LRRC69: variants seen among roughly 807,000 people sequenced by gnomAD.
LRRC69 encodes the protein leucine-rich repeat-containing protein 69.
In LRRC69, 42 loss-of-function variants were observed where a neutral mutation model predicts 37.8. That is an observed-to-expected ratio of 1.11 (90% CI 0.87 to 1.44). The LOEUF (loss-of-function observed/expected upper bound fraction) is 1.44. LRRC69 is among the 40% of genes most tolerant of loss of function. The pLI is 0.00. For missense variants in LRRC69, 357 were observed against 401.9 expected, an observed-to-expected ratio of 0.89 and a Z score of 0.96; for synonymous variants, 141 against 143.1, an observed-to-expected ratio of 0.99 and a Z score of 0.11.
intron 5 of LRRC69, among the ~76,000 whole-genome samples, chr8:91,152,323 G>T (rs977066930): frequency 1.3e-5 from 2 of 151,454 alleles, no homozygotes; most frequent in African/African-American, 4.8e-5. Context: ...TAAGGAAGGG[G>T]TGCAGTTTCA....
intron 3 of LRRC69, chr8:91,130,498 C>T (rs1813789068): frequency 6.6e-6 from 1 of 152,066 alleles, no homozygotes; most frequent in Admixed American, 6.6e-5. Flanking sequence ...TGGTCTCGAA[C>T]TCCTGACCTC....
intron 7 of LRRC69, among the ~76,000 whole-genome samples, chr8:91,216,013 G>A (rs1256454317): frequency 6.6e-6 from 1 of 152,124 alleles, no homozygotes; most frequent in Non-Finnish European, 1.5e-5. Context: ...ATGGAAAAGT[G>A]TAATACCAAG....
chr8:91,184,653 T>C (rs1284798763), intron 5 of LRRC69, among the ~76,000 whole-genome samples: 1 of 152,138 alleles, frequency 6.6e-6, no homozygotes, highest in Non-Finnish European at 1.5e-5. Context: ...AACCTTCTGG[T>C]TATTGAATCT....
intron 5 of LRRC69, among the ~76,000 whole-genome samples, chr8:91,175,323 C>T (rs751209154): frequency 5.9e-5 from 9 of 152,108 alleles, no homozygotes; most frequent in Admixed American, 3.9e-4. Context: ...CACTTAAATG[C>T]AGCATATCTT....
At chr8:91,112,971 A>G (rs1284820870) in intron 1 of LRRC69, among the ~76,000 whole-genome samples, 2 of 152,014 alleles carry the variant, frequency 1.3e-5, no homozygotes, top group African/African-American at 4.8e-5. Flanking sequence ...CAATCCATTT[A>G]CAATAGCAAT....
At chr8:91,196,724 G>C (rs1329472737) in intron 6 of LRRC69, among the ~76,000 whole-genome samples, 2 of 150,090 alleles carry the variant, frequency 1.3e-5, no homozygotes, top group African/African-American at 4.9e-5. Context: ...CTCTGTATTG[G>C]TTATTCTAGT....
At chr8:91,130,891 A>C (rs1813797776) in intron 3 of LRRC69, 1 of 152,010 alleles carries the variant, frequency 6.6e-6, no homozygotes. Flanking sequence ...GTGTCCTCAC[A>C]TGGTAGAAGG....
At chr8:91,137,670 G>C (rs1287913091) in intron 5 of LRRC69, among the ~76,000 whole-genome samples, 1 of 152,038 alleles carries the variant, frequency 6.6e-6, no homozygotes, top group Non-Finnish European at 1.5e-5. Context: ...CATCTGTGTA[G>C]TACCTATTTC....
At chr8:91,216,616 G>T (rs1810052624) in intron 7 of LRRC69, among the ~76,000 whole-genome samples, 1 of 151,988 alleles carries the variant, frequency 6.6e-6, no homozygotes, top group African/African-American at 2.4e-5. Flanking sequence ...TAACTGGTTG[G>T]GTGAGACGGT....
At chr8:91,106,745 G>A (rs983596406) in intron 1 of LRRC69, among the ~76,000 whole-genome samples, 2 of 151,738 alleles carry the variant, frequency 1.3e-5, no homozygotes, top group African/African-American at 4.8e-5. Flanking sequence ...GCCTAAAGAC[G>A]GCTGCTCTGA....
intron 5 of LRRC69, among the ~76,000 whole-genome samples, chr8:91,171,376 T>TC (rs1450605649): frequency 6.6e-6 from 1 of 151,998 alleles, no homozygotes; most frequent in Non-Finnish European, 1.5e-5. Context: ...TAAGATTTTT[T>TC]CACCTCCCCC....
intron 5 of LRRC69, among the ~76,000 whole-genome samples, chr8:91,177,649 G>A (rs1324540959): frequency 2.0e-5 from 3 of 152,030 alleles, no homozygotes; most frequent in Non-Finnish European, 4.4e-5. Flanking sequence ...TTTGGAATGT[G>A]GAAAATTTTC....
chr8:91,197,084 T>C (rs1809617437), intron 6 of LRRC69, among the ~76,000 whole-genome samples: 1 of 151,922 alleles, frequency 6.6e-6, no homozygotes, highest in South Asian at 2.1e-4. Context: ...GCTGCAGGTC[T>C]GTTGGAGTAC....
chr8:91,112,729 G>A lies in LRRC69; in HGVS notation c.183+9885G>A, dbSNP rs182234070. ...TTTCAACATAGTACTGGAAGTCCTA[G>A]TCAACAATTAAATAAGGAAAAAGAA... On this transcript the variant is annotated intron_variant, in intron 1 of 7. Coordinates refer to ENST00000448384, the Ensembl canonical transcript of LRRC69. Among the ~76,000 whole-genome samples the A allele has an allele frequency of 9.1e-4, 138 of 151,978 alleles. 1 individual carries two copies. Among genetic ancestry groups the A allele is most frequent in the African/African-American group, 3.2e-3 (131 of 41,516 alleles).
Position 91,124,393 on chromosome 8 carries a change from C to A in LRRC69, c.184-100C>A, listed in dbSNP as rs931348834. On this transcript the variant is annotated intron_variant, in intron 1 of 7. Transcript: ENST00000448384. ...TTGTTTAAAAATATTTTGAAGTTTT[C>A]TTAGGTTACATAGATGTGAGCAAGG... is the stretch of plus-strand genomic sequence containing the variant. The A allele has an allele frequency of 1.0e-5, 9 of 860,540 alleles. No individual in the cohort carries two copies. The African/African-American group carries it at 1.4e-4, about 13-fold the overall frequency. 53.3% of individuals were successfully genotyped at this position (860,540 alleles called of 1,614,324 possible).
intron 5 of LRRC69, among the ~76,000 whole-genome samples, chr8:91,184,018 A>G (rs1206218554): frequency 6.6e-6 from 1 of 152,202 alleles, no homozygotes; most frequent in Non-Finnish European, 1.5e-5. Flanking sequence ...CGTGTCTCAC[A>G]TACCTGCAAC....
intron 5 of LRRC69, among the ~76,000 whole-genome samples, chr8:91,162,057 A>G (rs1191452943): frequency 6.6e-6 from 1 of 151,410 alleles, no homozygotes; most frequent in Non-Finnish European, 1.5e-5. Flanking sequence ...ATGTGTTTGT[A>G]CAGTTTCCAC....
At chr8:91,214,384 A>G (rs1372358842) in intron 7 of LRRC69, among the ~76,000 whole-genome samples, 2 of 152,174 alleles carry the variant, frequency 1.3e-5, no homozygotes, top group Non-Finnish European at 2.9e-5. Flanking sequence ...GAAAAGAAAT[A>G]TACTTCTTCA....
intron 5 of LRRC69, chr8:91,157,405 G>T: frequency 1.9e-6 from 3 of 1,607,904 alleles, no homozygotes; most frequent in Non-Finnish European, 1.7e-6. Context: ...GTATTATTCT[G>T]CTGTGGATCC....
Sources: gnomAD v4.1 joint callset for allele counts (sites outside exome capture counted in the v4.1 genomes callset) on GRCh38, gnomAD v4.1.1 for gene constraint, MANE v1.5 for transcripts, NCBI Gene and HGNC (gene_info 2026-07-23, HGNC 2026-07-21) for gene names.